Variants in LRRC4C observed in about 807,000 individuals in gnomAD.
The protein encoded by LRRC4C is leucine-rich repeat-containing protein 4C.
Under a neutral mutation model 33.6 loss-of-function variants are expected in LRRC4C, and 5 were observed. The ratio of observed to expected loss-of-function variants is 0.15; its 90% CI spans 0.08 to 0.31. The LOEUF (loss-of-function observed/expected upper bound fraction) is 0.31. LRRC4C is among the 10% of genes least tolerant of loss of function. The pLI, the probability that LRRC4C is intolerant of heterozygous loss-of-function variation, is 1.00. For missense variants in LRRC4C, 560 were observed against 796.7 expected (o/e 0.70, Z 3.58); for synonymous variants, 329 against 302.0 (o/e 1.09, Z -0.93).
At chr11:40,803,709 G>A (rs907531327) in intron 2 of LRRC4C, among the ~76,000 whole-genome samples, 7 of 151,934 alleles carry the variant, frequency 4.6e-5, no homozygotes, top group Admixed American at 2.0e-4. Flanking sequence ...TCCTGACCTC[G>A]TGGTCCACCC....
chr11:40,126,682 C>T (rs757646973), intron 6 of LRRC4C, among the ~76,000 whole-genome samples: 4 of 151,978 alleles, frequency 2.6e-5, no homozygotes, highest in African/African-American at 4.8e-5. Flanking sequence ...AATTTGGGGA[C>T]GGGCGTGGTG....
chr11:40,492,398 T>A (rs957960300), intron 3 of LRRC4C, among the ~76,000 whole-genome samples: 2 of 152,196 alleles, frequency 1.3e-5, no homozygotes, highest in Admixed American at 6.5e-5. Context: ...TGTGCTTTTA[T>A]TTACTTTCCA....
At chr11:41,276,310 C>T (rs751834224) in intron 1 of LRRC4C, among the ~76,000 whole-genome samples, 6 of 152,164 alleles carry the variant, frequency 3.9e-5, no homozygotes, top group Admixed American at 6.6e-5. Context: ...TCACCATCCA[C>T]ACAGGACAGC....
chr11:41,065,994 G>C (rs769133201), intron 1 of LRRC4C, among the ~76,000 whole-genome samples: 1 of 152,160 alleles, frequency 6.6e-6, no homozygotes, highest in African/African-American at 2.4e-5. Context: ...CCAAAAGCCA[G>C]AATGCCTTTT....
At chr11:40,954,572 T>G (rs1426482612) in intron 1 of LRRC4C, among the ~76,000 whole-genome samples, 1 of 151,840 alleles carries the variant, frequency 6.6e-6, no homozygotes, top group Non-Finnish European at 1.5e-5. Flanking sequence ...GCATCCCTTT[T>G]TAAAAGTTTA....
intron 3 of LRRC4C, among the ~76,000 whole-genome samples, chr11:40,427,689 ATGTGGTG>A (rs1950767417): frequency 6.6e-6 from 1 of 150,886 alleles, no homozygotes; most frequent in East Asian, 2.0e-4. Context: ...AATTAGCCAG[ATGTGGTG>A]GTATATGCCT....
intron 3 of LRRC4C, among the ~76,000 whole-genome samples, chr11:40,396,316 T>C (rs7947032): frequency 0.34 from 51,600 of 151,996 alleles, 9,931 homozygotes; most frequent in South Asian, 0.47. Context: ...CAGTGCACAG[T>C]CAGTTTTATA....
chr11:40,132,092 TG>T (rs1262684416), intron 6 of LRRC4C, among the ~76,000 whole-genome samples: 1 of 152,214 alleles, frequency 6.6e-6, no homozygotes, highest in Non-Finnish European at 1.5e-5. Flanking sequence ...AAGAGATTTA[TG>T]GCTGCAAAAA....
intron 2 of LRRC4C, among the ~76,000 whole-genome samples, chr11:40,650,811 G>T (rs149098307): frequency 1.3e-5 from 2 of 152,200 alleles, no homozygotes; most frequent in Middle Eastern, 3.4e-3. Context: ...AGCCATGGTA[G>T]TTCTCTTTGG....
chr11:40,572,594 A>C (rs1031486489), intron 3 of LRRC4C, among the ~76,000 whole-genome samples: 2 of 152,208 alleles, frequency 1.3e-5, no homozygotes, highest in African/African-American at 4.8e-5. Context: ...CACATGTATC[A>C]GAAGTGAGTT....
chr11:41,388,030 A>T (rs1591405097), intron 1 of LRRC4C, among the ~76,000 whole-genome samples: 1 of 152,002 alleles, frequency 6.6e-6, no homozygotes, highest in Non-Finnish European at 1.5e-5. Context: ...ATCAAAAGAT[A>T]TCAGGTTAAG....
chr11:40,372,554 C>T (rs76631749), intron 3 of LRRC4C, among the ~76,000 whole-genome samples: 4,742 of 152,162 alleles, frequency 0.031, 237 homozygotes, highest in African/African-American at 0.1. Flanking sequence ...TCTCTTTTGC[C>T]GCGTAACATA....
At chr11:41,439,593 G>A (rs1239266347) in intron 1 of LRRC4C, among the ~76,000 whole-genome samples, 5 of 152,044 alleles carry the variant, frequency 3.3e-5, no homozygotes, top group African/African-American at 9.7e-5. Context: ...GTATTTCATT[G>A]TGGTATTTAT....
chr11:41,009,960 G>A (rs147293045), intron 1 of LRRC4C, among the ~76,000 whole-genome samples: 1 of 152,106 alleles, frequency 6.6e-6, no homozygotes, highest in African/African-American at 2.4e-5. Flanking sequence ...AATAAAAAGG[G>A]GGGAATTTTG....
intron 5 of LRRC4C, among the ~76,000 whole-genome samples, chr11:40,194,117 A>G (rs1374250699): frequency 6.6e-6 from 1 of 152,128 alleles, no homozygotes; most frequent in Non-Finnish European, 1.5e-5. Context: ...CGCCACAAAG[A>G]TACTCCTAGA....
chr11:41,368,312 C>T (rs969673604), intron 1 of LRRC4C, among the ~76,000 whole-genome samples: 18 of 152,160 alleles, frequency 1.2e-4, no homozygotes, highest in Non-Finnish European at 2.5e-4. Flanking sequence ...GTTTGTCTTT[C>T]GCTCTAAGAC....
At chr11:40,817,641 C>T (rs771598152) in intron 2 of LRRC4C, among the ~76,000 whole-genome samples, 5 of 152,122 alleles carry the variant, frequency 3.3e-5, no homozygotes, top group Admixed American at 2.0e-4. Flanking sequence ...GAATGACAAA[C>T]ATCATCCAGT....
intron 1 of LRRC4C, among the ~76,000 whole-genome samples, chr11:40,935,482 C>T (rs1957831706): frequency 6.6e-6 from 1 of 152,078 alleles, no homozygotes; most frequent in Non-Finnish European, 1.5e-5. Context: ...GTCATATTTT[C>T]ACTGTACCCT....
intron 5 of LRRC4C, among the ~76,000 whole-genome samples, chr11:40,237,694 G>A (rs966625775): frequency 2.0e-5 from 3 of 152,088 alleles, no homozygotes; most frequent in African/African-American, 7.2e-5. Context: ...ACTAAAAAAT[G>A]AAGATAAATG....
Sources: gnomAD v4.1 joint callset for allele counts (sites outside exome capture counted in the v4.1 genomes callset) on GRCh38, gnomAD v4.1.1 for gene constraint, MANE v1.5 for transcripts, NCBI Gene and HGNC (gene_info 2026-07-23, HGNC 2026-07-21) for gene names.